Variants in PBX3 observed in about 807,000 individuals in gnomAD.
PBX3 encodes PBX homeobox 3.
Under a neutral mutation model 48.5 loss-of-function variants are expected in PBX3, and 14 were observed. The observed-to-expected ratio is 0.29, with a 90% confidence interval of 0.19 to 0.45. PBX3 has a LOEUF of 0.45. PBX3 is among the 20% of genes least tolerant of loss of function. The pLI is 1.00. For missense variants in PBX3, 386 were observed against 546.7 expected (o/e 0.71, Z 2.93); for synonymous variants, 210 against 200.3 (o/e 1.05, Z -0.41).
chr9:125,782,896 T>C (rs759209957), intron 2 of PBX3, among the ~76,000 whole-genome samples: 1 of 152,206 alleles, frequency 6.6e-6, no homozygotes, highest in Non-Finnish European at 1.5e-5. Flanking sequence ...TTTTTCACCT[T>C]CATAGTTTCT....
At chr9:125,827,057 G>A (rs1838828504) in intron 2 of PBX3, among the ~76,000 whole-genome samples, 1 of 152,044 alleles carries the variant, frequency 6.6e-6, no homozygotes. Flanking sequence ...CCAGTCTGTG[G>A]TGTCTGTCAC....
intron 2 of PBX3, among the ~76,000 whole-genome samples, chr9:125,850,295 A>G (rs1436779973): frequency 6.6e-6 from 1 of 152,032 alleles, no homozygotes; most frequent in African/African-American, 2.4e-5. Context: ...GATTTGGAAC[A>G]TATGTGTCTT....
chr9:125,865,969 T>G (rs138236959), intron 2 of PBX3, among the ~76,000 whole-genome samples: 313 of 150,208 alleles, frequency 2.1e-3, no homozygotes, highest in Non-Finnish European at 2.7e-3. Flanking sequence ...CCAATTTTTT[T>G]CCCCCCACAA....
At chr9:125,821,482 TGAA>T (rs770580662) in intron 2 of PBX3, among the ~76,000 whole-genome samples, 18 of 152,138 alleles carry the variant, frequency 1.2e-4, no homozygotes, top group Non-Finnish European at 2.2e-4. Flanking sequence ...AAAATGGAAA[TGAA>T]GACAAGATCA....
intron 2 of PBX3, among the ~76,000 whole-genome samples, chr9:125,815,474 T>C (rs920172931): frequency 1.3e-5 from 2 of 152,236 alleles, no homozygotes; most frequent in African/African-American, 4.8e-5. Flanking sequence ...GTTGTTGTAT[T>C]ATTTTTTGTT....
chr9:125,932,416 T>C (rs1449101958), intron 4 of PBX3, among the ~76,000 whole-genome samples: 2 of 152,214 alleles, frequency 1.3e-5, no homozygotes, highest in African/African-American at 4.8e-5. Context: ...TCTCCCTTAG[T>C]AAGCCACAGT....
At position 125,802,359 on chromosome 9, in the gene PBX3, A is replaced by ATTTTTTTTT. The variant is rs57805307; in HGVS notation, c.274+53753_274+53761dup. Among the ~76,000 whole-genome samples the ATTTTTTTTT allele has an allele frequency of 8.9e-5, 6 of 67,720 alleles. 1 individual carries two copies. The highest frequency in any genetic ancestry group is 1.1e-4 in the Non-Finnish European group (4 of 36,842). The allele number at this position is 67,720 out of a possible 152,430, so 44.4% of individuals were successfully genotyped here. A position where few individuals can be genotyped will look rare whatever the true frequency, so the allele number is the denominator to read the frequency against. ...CTTCTACTTGTGAGAACATTAGTGC[A>ATTTTTTTTT]TTTTTTTTTTTTTTTTTTTTTTTTT... is the stretch of plus-strand genomic sequence containing the variant. On this transcript the variant is annotated intron_variant, in intron 2 of 8. Coordinates refer to ENST00000373489, the MANE Select transcript of PBX3 (RefSeq NM_006195.6).
intron 2 of PBX3, among the ~76,000 whole-genome samples, chr9:125,873,390 T>C (rs7865684): frequency 0.06 from 9,071 of 152,184 alleles, 629 homozygotes; most frequent in East Asian, 0.17. Context: ...CCAGCAACTA[T>C]AGAATATGCA....
intron 5 of PBX3, among the ~76,000 whole-genome samples, chr9:125,952,197 A>G (rs1429981643): frequency 2.0e-5 from 3 of 152,246 alleles, no homozygotes; most frequent in Admixed American, 6.5e-5. Context: ...GGGAAACACA[A>G]TGGAAAATTT....
intron 2 of PBX3, among the ~76,000 whole-genome samples, chr9:125,821,184 G>A (rs917512922): frequency 6.6e-6 from 1 of 151,994 alleles, no homozygotes; most frequent in Non-Finnish European, 1.5e-5. Context: ...ACTTTTTATA[G>A]TACCAGTATA....
chr9:125,848,752 A>G (rs1416590696), intron 2 of PBX3, among the ~76,000 whole-genome samples: 1 of 152,008 alleles, frequency 6.6e-6, no homozygotes, highest in Non-Finnish European at 1.5e-5. Flanking sequence ...TATTGAATAA[A>G]AGAAAAACAA....
At chr9:125,872,804 A>T (rs1157791292) in intron 2 of PBX3, among the ~76,000 whole-genome samples, 1 of 151,580 alleles carries the variant, frequency 6.6e-6, no homozygotes, top group Non-Finnish European at 1.5e-5. Flanking sequence ...CTAGAGATAA[A>T]GAGGGACACT....
rs190590605 is a variant in PBX3, at chr9:125,926,179, A to G, written c.517-3476A>G. Among the ~76,000 whole-genome samples, 13 of 152,340 alleles carry G rather than the reference A, an allele frequency of 8.5e-5. No individual in the cohort carries two copies. In the East Asian group the frequency reaches 2.1e-3, roughly 25 times the overall value. On this transcript the variant is annotated intron_variant, in intron 3 of 8. Transcript: ENST00000373489. ...AAGAAAAAGATATATACGTATATTTATTGGTAGGGTGACCACTTGTTTTTA... is the reference window on the plus strand; with the variant it reads ...AAGAAAAAGATATATACGTATATTTGTTGGTAGGGTGACCACTTGTTTTTA...
At chr9:125,776,639 G>A (rs534358665) in intron 2 of PBX3, among the ~76,000 whole-genome samples, 1 of 152,174 alleles carries the variant, frequency 6.6e-6, no homozygotes, top group Admixed American at 6.5e-5. Context: ...GGGCTCAAGT[G>A]GTTCTCCCAC....
intron 2 of PBX3, among the ~76,000 whole-genome samples, chr9:125,903,623 A>G (rs1049956913): frequency 2.0e-5 from 3 of 151,852 alleles, no homozygotes; most frequent in African/African-American, 7.2e-5. Flanking sequence ...TCTTATTTTT[A>G]TGTCTTCAAA....
intron 2 of PBX3, among the ~76,000 whole-genome samples, chr9:125,830,584 C>G (rs906918451): frequency 2.6e-5 from 4 of 151,988 alleles, no homozygotes; most frequent in African/African-American, 9.7e-5. Flanking sequence ...TATACAGAAG[C>G]CTTTGCTATC....
intron 2 of PBX3, among the ~76,000 whole-genome samples, chr9:125,911,709 G>A (rs1204403237): frequency 1.3e-5 from 2 of 151,958 alleles, no homozygotes; most frequent in Admixed American, 6.6e-5. Context: ...CGACGTCGTA[G>A]GCCTAAGCTT....
chr9:125,784,452 T>G (rs1274782295), intron 2 of PBX3, among the ~76,000 whole-genome samples: 1 of 152,188 alleles, frequency 6.6e-6, no homozygotes, highest in Non-Finnish European at 1.5e-5. Context: ...TTGTTGTTGT[T>G]GTGGTTAAGA....
chr9:125,932,424 A>G (rs1248334955), intron 4 of PBX3, among the ~76,000 whole-genome samples: 2 of 152,200 alleles, frequency 1.3e-5, no homozygotes, highest in East Asian at 3.8e-4. Flanking sequence ...AGTAAGCCAC[A>G]GTGTCATTGA....
Sources: gnomAD v4.1 joint callset for allele counts (sites outside exome capture counted in the v4.1 genomes callset) on GRCh38, gnomAD v4.1.1 for gene constraint, MANE v1.5 for transcripts, NCBI Gene and HGNC (gene_info 2026-07-23, HGNC 2026-07-21) for gene names.